C1QL4: variants seen among roughly 807,000 people sequenced by gnomAD.
C1QL4 encodes complement C1q like 4, also known as complement C1q-like protein 4.
C1QL4 carries 5 observed loss-of-function variants against 13.4 expected under a neutral mutation model. The observed-to-expected ratio is 0.37, with a 90% CI of 0.19 to 0.78. The LOEUF is 0.78. Ranked by LOEUF, C1QL4 falls within the 30% of genes least tolerant of loss-of-function variation. C1QL4 has a pLI of 0.47. For synonymous variants in C1QL4, 168 were observed against 153.9 expected (o/e 1.09, Z -0.68); for missense variants, 367 against 361.6 (o/e 1.01, Z -0.12).
chr12:49,332,985 G>A lies in C1QL4; in HGVS notation c.*69C>T. On this transcript the variant is annotated 3_prime_UTR_variant, in exon 2 of 2. Transcript: ENST00000334221. ...TCTCAAAGGGTGGGGTGGCGCCTCG[G>A]GTGGGGCGGGCAGGAGGTGGGTGAG... The A allele has an allele frequency of 1.4e-5, 21 of 1,465,608 alleles. No homozygotes were observed. Among genetic ancestry groups the A allele is most frequent in the Non-Finnish European group, 1.7e-5 (19 of 1,087,656 alleles). 90.8% of individuals were successfully genotyped at this position (1,465,608 alleles called of 1,614,324 possible). A position where few individuals can be genotyped will look rare whatever the true frequency, so the allele number is the denominator to read the frequency against.
chr12:49,333,829 C>A (rs367743565), intron 1 of C1QL4, among the ~76,000 whole-genome samples: 1 of 151,678 alleles, frequency 6.6e-6, no homozygotes, highest in Non-Finnish European at 1.5e-5. Flanking sequence ...TGAGCCACCG[C>A]GCCTGGCTCA....
Position 49,336,235 on chromosome 12 carries a change from TG to T in C1QL4, c.242del (p.Pro81GlnfsTer52). 6.8e-7 allele frequency: 1 copy of T among 1,475,180 alleles called. No individual in the cohort carries two copies. 91.4% of individuals were successfully genotyped at this position (1,475,180 alleles called of 1,614,324 possible). ...GGGGGCCTGGCCTGCCGGGTTCTCC[TG>T]GGGGCCCTCTTGGACCTGGTGGTCC... Reference protein sequence around the residue: ...PPGPPGPRGPPGEPGRPGPPG... With the variant: ...PPGPPGPRGPXGEPGRPGPPG... On this transcript the variant is annotated frameshift_variant, in exon 1 of 2. Coordinates refer to ENST00000334221, the MANE Select transcript of C1QL4 (RefSeq NM_001008223.2). LOFTEE classifies it high-confidence loss of function. This position sits in a 1 kb window ranked among gnomAD's most constrained non-coding sequence, Gnocchi z 7.7.
intron 1 of C1QL4, 114 bp downstream of exon 1, chr12:49,335,827 G>T: frequency 2.3e-6 from 3 of 1,312,306 alleles, no homozygotes; most frequent in Non-Finnish European, 2.1e-6. Context: ...TGGCAGCCTC[G>T]CGTTCCTGGA....
chr12:49,333,444 G>A (rs1279742859), intron 1 of C1QL4, among the ~76,000 whole-genome samples: 1 of 152,050 alleles, frequency 6.6e-6, no homozygotes, highest in Non-Finnish European at 1.5e-5. Context: ...TGGACCTCGA[G>A]TTGATTTATA....
chr12:49,336,178 C>T lies in C1QL4; in HGVS notation c.300G>A (p.Val100=), dbSNP rs770711057. 1.1e-5 allele frequency: 18 copies of T among 1,595,882 alleles called. No homozygotes were observed. The highest frequency in any genetic ancestry group is 1.4e-5 in the Non-Finnish European group (16 of 1,171,842). The part of the protein sequence containing the change: ...PGPPGPGPGG[V]APAAGYVPRI... ...GAGGCACGTAGCCGGCAGCGGGCGC[C>T]ACCCCGCCCGGACCTGGACCGGGAG... The change falls in exon 1 of 2, where the codon GTG becomes GTA. Residue 100 remains valine (V), a synonymous_variant. Transcript: ENST00000334221. This position sits in a 1 kb window ranked among gnomAD's most constrained non-coding sequence, Gnocchi z 7.7.
At position 49,335,408 on chromosome 12, in the gene C1QL4, C is replaced by A. The variant is rs189111185; in HGVS notation, c.537+533G>T. Among the ~76,000 whole-genome samples, 459 of 152,342 alleles carry A rather than the reference C, an allele frequency of 3.0e-3. 1 individual carries two copies. Among genetic ancestry groups the A allele is most frequent in the Middle Eastern group, 6.8e-3 (2 of 294 alleles). ...GAAGTGAGCAGGCAAATGTTTTCTTCCTTTTATACCTTTTCCTCAAACATC... is the reference window on the plus strand; with the variant it reads ...GAAGTGAGCAGGCAAATGTTTTCTTACTTTTATACCTTTTCCTCAAACATC... On this transcript the variant is annotated intron_variant, in intron 1 of 1. Coordinates refer to ENST00000334221, the MANE Select transcript of C1QL4 (RefSeq NM_001008223.2).
At position 49,334,582 on chromosome 12, in the gene C1QL4, G is replaced by A. The variant is rs139449705; in HGVS notation, c.538-1349C>T. Among the ~76,000 whole-genome samples the A allele has an allele frequency of 4.7e-3, 721 of 152,256 alleles. 4 individuals carry two copies. The highest frequency in any genetic ancestry group is 0.012 in the African/African-American group (503 of 41,532). On this transcript the variant is annotated intron_variant, in intron 1 of 1. Coordinates refer to ENST00000334221, the MANE Select transcript of C1QL4 (RefSeq NM_001008223.2). Reference sequence around the variant, plus strand: ...ATCACTATTTACCGTCCCCAGGGCCGCAGCGCCCGCACTGAAGAATACAGA... The same window carrying A: ...ATCACTATTTACCGTCCCCAGGGCCACAGCGCCCGCACTGAAGAATACAGA...
intron 1 of C1QL4, 126 bp downstream of exon 1, chr12:49,335,815 C>T: frequency 8.2e-7 from 1 of 1,225,014 alleles, no homozygotes; most frequent in South Asian, 1.5e-5. Flanking sequence ...ATCTATCGTT[C>T]TTGGCAGCCT....
At chr12:49,333,332 C>G (rs1250063038) in intron 1 of C1QL4, 99 bp from the exon 2 acceptor site, 9 of 1,302,576 alleles carry the variant, frequency 6.9e-6, no homozygotes, top group Non-Finnish European at 9.4e-6. Flanking sequence ...GCAGCCGCCG[C>G]AGGGGCTGGG....
chr12:49,333,946 C>A (rs2137079609), intron 1 of C1QL4, among the ~76,000 whole-genome samples: 1 of 151,892 alleles, frequency 6.6e-6, no homozygotes, highest in Non-Finnish European at 1.5e-5. Flanking sequence ...GTAATCCCAG[C>A]ACTTTGGGAG....
chr12:49,333,372 G>A (rs1423462034), intron 1 of C1QL4, 139 bp from the exon 2 acceptor site: 7 of 815,996 alleles, frequency 8.6e-6, no homozygotes, highest in Non-Finnish European at 1.3e-5. Flanking sequence ...AGGACATCAC[G>A]GAGTTGCTCC....
chr12:49,334,977 C>A (rs1234337086), intron 1 of C1QL4, among the ~76,000 whole-genome samples: 1 of 152,188 alleles, frequency 6.6e-6, no homozygotes, highest in Non-Finnish European at 1.5e-5. Flanking sequence ...CAGAGGTCAC[C>A]ACTCAGCCCC....
chr12:49,333,221 C>A lies in C1QL4; in HGVS notation c.550G>T (p.Ala184Ser). 3.1e-6 allele frequency: 5 copies of A among 1,613,798 alleles called. No homozygotes were observed. The highest frequency in any genetic ancestry group is 4.2e-6 in the Non-Finnish European group (5 of 1,179,868). ...TTCTGGTCCGCGTCCTGAGCAATGG[C>A]GCTGGCCCGGACCTATCGAGGGAGA... Reference protein sequence around the residue: ...LMKNGQVRASAIAQDADQNYD... With the variant: ...LMKNGQVRASSIAQDADQNYD... Residue 184 changes from alanine to serine, a missense_variant, in exon 2 of 2, where the codon GCC becomes TCC. Transcript: ENST00000334221.
intron 1 of C1QL4, among the ~76,000 whole-genome samples, chr12:49,335,049 C>T (rs1821477709): frequency 6.6e-6 from 1 of 152,264 alleles, no homozygotes; most frequent in Non-Finnish European, 1.5e-5. Context: ...CACCTGCGGC[C>T]TCTAGTTCCC....
chr12:49,332,610 A>T lies in C1QL4; in HGVS notation c.*444T>A, dbSNP rs1324726552. On this transcript the variant is annotated 3_prime_UTR_variant, in exon 2 of 2. Coordinates refer to ENST00000334221, the MANE Select transcript of C1QL4 (RefSeq NM_001008223.2). ...CGAGGGGACGAGAGGGTGGCGAGAG[A>T]AAGTTGTGACGGAGAACCTGCACTA... is the stretch of plus-strand genomic sequence containing the variant. The T allele has an allele frequency of 6.2e-6, 1 of 160,742 alleles. No individual in the cohort carries two copies. Among genetic ancestry groups the T allele is most frequent in the Non-Finnish European group, 1.4e-5 (1 of 72,706 alleles). 10.0% of individuals were successfully genotyped at this position (160,742 alleles called of 1,614,324 possible). A position where few individuals can be genotyped will look rare whatever the true frequency, so the allele number is the denominator to read the frequency against.
Position 49,336,374 on chromosome 12 carries a change from T to C in C1QL4, c.104A>G (p.His35Arg), listed in dbSNP as rs1192379651. 6.8e-7 allele frequency: 1 copy of C among 1,467,924 alleles called. No individual in the cohort carries two copies. The highest frequency in any genetic ancestry group is 8.9e-7 in the Non-Finnish European group (1 of 1,124,236). 90.9% of individuals were successfully genotyped at this position (1,467,924 alleles called of 1,614,324 possible). The change falls in exon 1 of 2, where the codon CAT becomes CGT. Residue 35 changes from histidine to arginine, a missense_variant. Coordinates refer to ENST00000334221, the MANE Select transcript of C1QL4 (RefSeq NM_001008223.2). This position sits in a 1 kb window ranked among gnomAD's most constrained non-coding sequence, Gnocchi z 7.7. ...GTCGGGACCAGGGCCACGGGGCCCATGCGGGTCGCACACCATGCGGCAGCG... is the reference window on the plus strand; with the variant it reads ...GTCGGGACCAGGGCCACGGGGCCCACGCGGGTCGCACACCATGCGGCAGCG... ...LGRCRMVCDP[H>R]GPRGPGPDGA...
At position 49,333,144 on chromosome 12, in the gene C1QL4, C is replaced by T. The variant is rs776167390; in HGVS notation, c.627G>A (p.Glu209=). The change falls in exon 2 of 2, where the codon GAG becomes GAA. Residue 209 remains glutamate, a synonymous_variant. Coordinates refer to ENST00000334221, the MANE Select transcript of C1QL4 (RefSeq NM_001008223.2). The part of the protein sequence containing the change: ...SVILHLDVGD[E]VFIKLDGGKV... ...TCCCGCCGTCCAGCTTGATGAAGAC[C>T]TCGTCGCCCACGTCCAGGTGCAGAA... The T allele has an allele frequency of 6.2e-7, 1 of 1,614,158 alleles. No individual in the cohort carries two copies. Among genetic ancestry groups the T allele is most frequent in the Non-Finnish European group, 8.5e-7 (1 of 1,180,012 alleles).
chr12:49,336,326 G>C lies in C1QL4; in HGVS notation c.152C>G (p.Pro51Arg), dbSNP rs749355760. Residue 51 changes from proline to arginine, a missense_variant, in exon 1 of 2, where the codon CCC (proline) becomes CGC (arginine). Coordinates refer to ENST00000334221, the MANE Select transcript of C1QL4 (RefSeq NM_001008223.2). The surrounding 1 kb of genome is among the most constrained non-coding windows in gnomAD (Gnocchi z 7.7). ...CTCTCCCTTGGCGCCTGGCGGGAAGGGGGGCACGGAAGCAGGCGCGCCGTC... is the reference window on the plus strand; with the variant it reads ...CTCTCCCTTGGCGCCTGGCGGGAAGCGGGGCACGGAAGCAGGCGCGCCGTC... Reference protein sequence around the residue: ...GPDGAPASVPPFPPGAKGEVG... With the variant: ...GPDGAPASVPRFPPGAKGEVG... 2.7e-5 allele frequency: 39 copies of C among 1,421,868 alleles called. No homozygotes were observed. Among genetic ancestry groups the C allele is most frequent in the African/African-American group, 6.0e-5 (4 of 66,408 alleles). 88.1% of individuals were successfully genotyped at this position (1,421,868 alleles called of 1,614,324 possible).
chr12:49,332,973 G>A lies in C1QL4; in HGVS notation c.*81C>T, dbSNP rs1054074539. Reference sequence around the variant, plus strand: ...CCACCGCCAGGCTCTCAAAGGGTGGGGTGGCGCCTCGGGTGGGGCGGGCAG... The same window carrying A: ...CCACCGCCAGGCTCTCAAAGGGTGGAGTGGCGCCTCGGGTGGGGCGGGCAG... On this transcript the variant is annotated 3_prime_UTR_variant, in exon 2 of 2. Transcript: ENST00000334221. 3 of 1,400,606 alleles carry A rather than the reference G, an allele frequency of 2.1e-6. No individual in the cohort carries two copies. The highest frequency in any genetic ancestry group is 4.9e-5 in the East Asian group (2 of 40,872). 86.8% of individuals were successfully genotyped at this position (1,400,606 alleles called of 1,614,324 possible).
Sources: allele counts gnomAD v4.1 joint callset (sites outside exome capture counted in the v4.1 genomes callset), GRCh38; gene constraint gnomAD v4.1.1; non-coding constraint Gnocchi (gnomAD v3.1); transcripts MANE v1.5; gene names NCBI Gene and HGNC (gene_info 2026-07-23, HGNC 2026-07-21).